Variants in ROBO1 observed in about 807,000 individuals in gnomAD.
ROBO1 encodes the protein roundabout guidance receptor 1.
A neutral mutation model predicts 195.9 loss-of-function variants in ROBO1; 149 were observed. The observed-to-expected ratio is 0.76, with a 90% CI of 0.67 to 0.87. The LOEUF (loss-of-function observed/expected upper bound fraction) is 0.87, where lower values mean the gene tolerates loss of function less well. Among genes scored for constraint, ROBO1 ranks in the 40% least tolerant of loss-of-function variants. The probability of loss-of-function intolerance (pLI) is 0.00; values close to 1 mark genes in which losing one functional copy is unlikely to be tolerated. For missense variants in ROBO1, 1,933 were observed against 2,068.3 expected, an observed-to-expected ratio of 0.93 and a Z score of 1.27; for synonymous variants, 816 against 733.2, an observed-to-expected ratio of 1.11 and a Z score of -1.82.
chr3:79,255,348 A>G (rs907518459), intron 2 of ROBO1, among the ~76,000 whole-genome samples: 2 of 152,110 alleles, frequency 1.3e-5, no homozygotes, highest in Admixed American at 6.6e-5. Flanking sequence ...GAGCAAGGCT[A>G]TCTCTAAAAA....
intron 3 of ROBO1, among the ~76,000 whole-genome samples, chr3:78,971,685 T>C (rs917589413): frequency 1.3e-5 from 2 of 152,188 alleles, no homozygotes; most frequent in Non-Finnish European, 2.9e-5. Context: ...AGAGCTTCTA[T>C]GCAATAGTAT....
chr3:79,404,896 T>C (rs2037488381), intron 2 of ROBO1, among the ~76,000 whole-genome samples: 1 of 152,154 alleles, frequency 6.6e-6, no homozygotes, highest in African/African-American at 2.4e-5. Context: ...TAGATATGTG[T>C]AATCAAATTC....
intron 9 of ROBO1, among the ~76,000 whole-genome samples, chr3:78,686,554 CA>C (rs11356574): frequency 0.44 from 58,414 of 132,026 alleles, 11,426 homozygotes; most frequent in Middle Eastern, 0.53. Context: ...GACTTTGTCT[CA>C]AAAAAAAAAA....
chr3:79,498,228 C>A (rs936929003), intron 2 of ROBO1, among the ~76,000 whole-genome samples: 1 of 152,030 alleles, frequency 6.6e-6, no homozygotes, highest in African/African-American at 2.4e-5. Context: ...TGTATTATAT[C>A]TGTTATTTTT....
At chr3:79,368,243 T>G (rs1453304005) in intron 2 of ROBO1, among the ~76,000 whole-genome samples, 3 of 152,166 alleles carry the variant, frequency 2.0e-5, no homozygotes, top group Admixed American at 6.5e-5. Context: ...TCCTTTGCCT[T>G]TCTTTTGCCA....
At chr3:79,466,640 A>C (rs750008381) in intron 2 of ROBO1, among the ~76,000 whole-genome samples, 1 of 152,160 alleles carries the variant, frequency 6.6e-6, no homozygotes, top group Non-Finnish European at 1.5e-5. Flanking sequence ...TAGGGCAGGT[A>C]CTGGAGTAAT....
intron 2 of ROBO1, among the ~76,000 whole-genome samples, chr3:79,232,141 C>T (rs2082331124): frequency 6.6e-6 from 1 of 151,458 alleles, no homozygotes; most frequent in Non-Finnish European, 1.5e-5. Flanking sequence ...ATCTGTACAT[C>T]AAATCCCCTT....
At chr3:79,657,601 A>C (rs975279713) in intron 1 of ROBO1, among the ~76,000 whole-genome samples, 5 of 152,102 alleles carry the variant, frequency 3.3e-5, no homozygotes, top group Non-Finnish European at 7.4e-5. Context: ...AACTAAACAC[A>C]AAATAAGGAG....
intron 2 of ROBO1, among the ~76,000 whole-genome samples, chr3:79,220,597 G>A (rs546836674): frequency 7.2e-5 from 11 of 151,768 alleles, no homozygotes; most frequent in African/African-American, 2.7e-4. Flanking sequence ...TTGCAATGAT[G>A]TGTGTGTGTG....
Position 78,890,419 on chromosome 3 carries a change from C to G in ROBO1, c.499+48182G>C, listed in dbSNP as rs187516636. On this transcript the variant is annotated intron_variant, in intron 4 of 30. Coordinates refer to ENST00000464233, the MANE Select transcript of ROBO1 (RefSeq NM_002941.4). ...GCACCAAAGGAAGGTGAGGACATAA[C>G]CAGGAAGAGGGCCATCATCAAGAAT... Among the ~76,000 whole-genome samples the G allele has an allele frequency of 2.2e-3, 331 of 152,086 alleles. 5 individuals are homozygous for G. Among genetic ancestry groups the G allele is most frequent in the African/African-American group, 6.5e-3 (271 of 41,512 alleles).
At chr3:78,610,280 A>AATAACTACTATG (rs1703732845) in intron 28 of ROBO1, among the ~76,000 whole-genome samples, 1 of 152,182 alleles carries the variant, frequency 6.6e-6, no homozygotes, top group African/African-American at 2.4e-5. Context: ...AATACATAAA[A>AATAACTACTATG]ATAACTACTA....
At chr3:78,826,117 T>C (rs142866621) in intron 4 of ROBO1, among the ~76,000 whole-genome samples, 82 of 152,306 alleles carry the variant, frequency 5.4e-4, no homozygotes, top group African/African-American at 1.9e-3. Flanking sequence ...GGAAGTTGTT[T>C]GAGCCAAATT....
chr3:78,602,699 C>T (rs761458758), intron 29 of ROBO1, among the ~76,000 whole-genome samples: 2 of 152,044 alleles, frequency 1.3e-5, no homozygotes, highest in Non-Finnish European at 2.9e-5. Context: ...CATGCTGAAT[C>T]ATTAATTTAT....
At chr3:78,903,884 A>G (rs1313777132) in intron 4 of ROBO1, among the ~76,000 whole-genome samples, 2 of 152,112 alleles carry the variant, frequency 1.3e-5, no homozygotes, top group East Asian at 3.8e-4. Flanking sequence ...GTACAAATAC[A>G]GGCTCTGCCA....
chr3:78,660,840 A>G (rs987969330), intron 16 of ROBO1, 190 bp downstream of exon 16: 4 of 509,018 alleles, frequency 7.9e-6, no homozygotes, highest in African/African-American at 7.6e-5. Context: ...TATTGAAGCA[A>G]GTCAACTATT....
chr3:79,427,339 T>A (rs533114387), intron 2 of ROBO1, among the ~76,000 whole-genome samples: 66 of 152,332 alleles, frequency 4.3e-4, no homozygotes, highest in Non-Finnish European at 7.5e-4. Flanking sequence ...GCTAAAAATG[T>A]ACATTTTAGA....
At chr3:79,713,105 G>GT (rs1702339821) in intron 1 of ROBO1, among the ~76,000 whole-genome samples, 1 of 147,136 alleles carries the variant, frequency 6.8e-6, no homozygotes, top group South Asian at 2.1e-4. Flanking sequence ...TAAGACCACT[G>GT]TTGAGACTTA....
chr3:79,686,081 TA>T (rs1284458041), intron 1 of ROBO1, among the ~76,000 whole-genome samples: 1 of 152,110 alleles, frequency 6.6e-6, no homozygotes, highest in African/African-American at 2.4e-5. Flanking sequence ...TGCAAATCAA[TA>T]AACATAATCC....
At chr3:78,835,445 T>G (rs1298390131) in intron 4 of ROBO1, among the ~76,000 whole-genome samples, 1 of 152,180 alleles carries the variant, frequency 6.6e-6, no homozygotes, top group Admixed American at 6.5e-5. Context: ...CACAGGTTTA[T>G]AAGCAACATT....
Sources: gnomAD v4.1 joint callset for allele counts (sites outside exome capture counted in the v4.1 genomes callset) on GRCh38, gnomAD v4.1.1 for gene constraint, MANE v1.5 for transcripts, NCBI Gene and HGNC (gene_info 2026-07-23, HGNC 2026-07-21) for gene names.